Variants in ZMIZ1 observed in about 807,000 individuals in gnomAD.
The protein encoded by ZMIZ1 is zinc finger MIZ domain-containing protein 1.
A neutral mutation model predicts 113.9 loss-of-function variants in ZMIZ1; 17 were observed. The observed-to-expected ratio is 0.15, with a 90% CI of 0.10 to 0.22. The LOEUF (loss-of-function observed/expected upper bound fraction) is 0.22. ZMIZ1 is among the 10% of genes least tolerant of loss of function. The probability of loss-of-function intolerance (pLI) is 1.00; values close to 1 mark genes in which losing one functional copy is unlikely to be tolerated. For missense variants in ZMIZ1, 1,059 were observed against 1,477.8 expected (o/e 0.72, Z 4.65); for synonymous variants, 607 against 603.1 (o/e 1.01, Z -0.09).
At chr10:79,195,850 GC>G (rs1847810144) in intron 4 of ZMIZ1, among the ~76,000 whole-genome samples, 2 of 152,340 alleles carry the variant, frequency 1.3e-5, no homozygotes, top group Admixed American at 1.3e-4. Flanking sequence ...TCTCAGCCCA[GC>G]AGCTTTCCGG....
chr10:79,272,766 C>T (rs894983070), intron 7 of ZMIZ1, among the ~76,000 whole-genome samples: 1 of 152,208 alleles, frequency 6.6e-6, no homozygotes, highest in African/African-American at 2.4e-5. Flanking sequence ...AGTGGGTTCA[C>T]TTTAGACGAG....
At chr10:79,139,287 AGAG>A (rs1019501925) in intron 2 of ZMIZ1, among the ~76,000 whole-genome samples, 2 of 152,224 alleles carry the variant, frequency 1.3e-5, no homozygotes, top group African/African-American at 4.8e-5. Flanking sequence ...CACGGCGCAG[AGAG>A]GAGGCCACGG....
intron 1 of ZMIZ1, among the ~76,000 whole-genome samples, chr10:79,092,412 C>T (rs979425823): frequency 1.3e-5 from 2 of 152,258 alleles, no homozygotes; most frequent in African/African-American, 4.8e-5. Context: ...CCTCCCTCTT[C>T]CAGGCCTTGG....
chr10:79,134,824 T>A (rs1045675119), intron 2 of ZMIZ1, among the ~76,000 whole-genome samples: 1 of 152,154 alleles, frequency 6.6e-6, no homozygotes, highest in Non-Finnish European at 1.5e-5. Flanking sequence ...GTGATATAAA[T>A]AATTAAATAG....
At chr10:79,226,004 G>C (rs1489637235) in intron 7 of ZMIZ1, among the ~76,000 whole-genome samples, 1 of 152,198 alleles carries the variant, frequency 6.6e-6, no homozygotes, top group East Asian at 1.9e-4. Context: ...CTTGTGCCAG[G>C]CCCACCTCAT....
At chr10:79,077,967 G>A (rs967265719) in intron 1 of ZMIZ1, among the ~76,000 whole-genome samples, 3 of 152,172 alleles carry the variant, frequency 2.0e-5, no homozygotes, top group Non-Finnish European at 2.9e-5. Flanking sequence ...CAACCAAAGC[G>A]GCCTGCTGGC....
chr10:79,102,817 G>A (rs942487511), intron 1 of ZMIZ1, among the ~76,000 whole-genome samples: 3 of 152,336 alleles, frequency 2.0e-5, no homozygotes, highest in Admixed American at 6.5e-5. Context: ...GAGTTGAGGG[G>A]GTGATGGTGA....
In ZMIZ1 at chr10:79,173,678, T is replaced by C. The variant is rs1240452916; in HGVS notation, c.-50+11545T>C. The stretch of plus-strand genomic sequence containing the variant: ...GTTATCCTGTAGAGTGTGTGTTATG[T>C]GTTGGGGGAATCTTAATGGTAGCTG... On this transcript the variant is annotated intron_variant, in intron 4 of 24. Coordinates refer to ENST00000334512, the MANE Select transcript of ZMIZ1 (RefSeq NM_020338.4). Among the ~76,000 whole-genome samples the C allele has an allele frequency of 4.6e-5, 7 of 152,296 alleles. No individual in the cohort carries two copies. The East Asian group carries it at 1.3e-3, about 29-fold the overall frequency.
At chr10:79,120,426 G>A (rs557686880) in intron 2 of ZMIZ1, among the ~76,000 whole-genome samples, 1 of 152,346 alleles carries the variant, frequency 6.6e-6, no homozygotes, top group Admixed American at 6.5e-5. Flanking sequence ...CAGTTCAGAG[G>A]TCGATGGCTC....
At chr10:79,310,354 C>T (rs1855045250) in intron 23 of ZMIZ1, among the ~76,000 whole-genome samples, 1 of 152,220 alleles carries the variant, frequency 6.6e-6, no homozygotes, top group African/African-American at 2.4e-5. Context: ...TGCCAAGGCC[C>T]CAGCTGCTCC....
At chr10:79,260,587 A>C (rs1310378239) in intron 7 of ZMIZ1, among the ~76,000 whole-genome samples, 1 of 152,236 alleles carries the variant, frequency 6.6e-6, no homozygotes, top group Non-Finnish European at 1.5e-5. Flanking sequence ...GAATGGCAAC[A>C]GGGAGGCGTC....
intron 6 of ZMIZ1, among the ~76,000 whole-genome samples, chr10:79,209,886 G>A (rs1848468848): frequency 1.3e-5 from 2 of 152,188 alleles, no homozygotes; most frequent in South Asian, 2.1e-4. Flanking sequence ...GGATGCCCTT[G>A]GCCATTAGGG....
In ZMIZ1 at chr10:79,159,846, G is replaced by A. The variant is rs902442993; in HGVS notation, c.-130-2207G>A. ...CCCTTCCCCTCTCTGATCTCAGTTT[G>A]CCCCTTTGCACAAGCCCAACACCAA... On this transcript the variant is annotated intron_variant, in intron 3 of 24. Transcript: ENST00000334512. Among the ~76,000 whole-genome samples, 10 of 152,272 alleles carry A rather than the reference G, an allele frequency of 6.6e-5. No individual in the cohort carries two copies. In the South Asian group the frequency reaches 2.1e-3, roughly 32 times the overall value.
Position 79,310,803 on chromosome 10 carries a change from G to A in ZMIZ1, c.2836-121G>A, listed in dbSNP as rs80220569. 3.0e-3 allele frequency: 3,379 copies of A among 1,124,730 alleles called. 11 individuals carry two copies. Among genetic ancestry groups the A allele is most frequent in the Middle Eastern group, 0.011 (42 of 3,916 alleles). The allele number at this position is 1,124,730 out of a possible 1,614,324, so 69.7% of individuals were successfully genotyped here. A position where few individuals can be genotyped will look rare whatever the true frequency, so the allele number is the denominator to read the frequency against. On this transcript the variant is annotated intron_variant, in intron 23 of 24. Coordinates refer to ENST00000334512, the MANE Select transcript of ZMIZ1 (RefSeq NM_020338.4). ...CAGAAACAACGTTCAGCCTCGTACC[G>A]GGTGGCCACGTTTCGGGGGTTGTGA...
intron 2 of ZMIZ1, among the ~76,000 whole-genome samples, chr10:79,125,664 G>A (rs1844480907): frequency 6.6e-6 from 1 of 152,216 alleles, no homozygotes; most frequent in Admixed American, 6.5e-5. Flanking sequence ...AAGCCTCAGC[G>A]ACCTTGCAGC....
chr10:79,120,987 A>G (rs1844266112), intron 2 of ZMIZ1, among the ~76,000 whole-genome samples: 1 of 152,122 alleles, frequency 6.6e-6, no homozygotes, highest in Non-Finnish European at 1.5e-5. Context: ...CCCTGCCAGG[A>G]GACTGGCACA....
chr10:79,299,155 A>C lies in ZMIZ1; in HGVS notation c.1772A>C (p.His591Pro). The change falls in exon 16 of 25, where the codon CAC becomes CCC. Residue 591 changes from histidine to proline, a missense_variant. His to Pro is a moderately conservative substitution (Grantham distance 77). Coordinates refer to ENST00000334512, the MANE Select transcript of ZMIZ1 (RefSeq NM_020338.4). ...HNLAVSNHVF[H>P]LRPTVHQTLM... ...CTGGCGGTCAGCAACCATGTGTTCCACCTGCGGCCCACGGTCCACCAGACG... is the reference window on the plus strand; with the variant it reads ...CTGGCGGTCAGCAACCATGTGTTCCCCCTGCGGCCCACGGTCCACCAGACG... 2.5e-6 allele frequency: 4 copies of C among 1,609,768 alleles called. No individual in the cohort carries two copies. The highest frequency in any genetic ancestry group is 3.4e-6 in the Non-Finnish European group (4 of 1,179,752).
intron 7 of ZMIZ1, among the ~76,000 whole-genome samples, chr10:79,221,748 G>A (rs562104971): frequency 6.6e-5 from 10 of 152,236 alleles, no homozygotes; most frequent in East Asian, 1.9e-4. Flanking sequence ...CAGCTGACCC[G>A]TGAGCAGCCA....
At chr10:79,151,616 C>T (rs934563643) in intron 3 of ZMIZ1, among the ~76,000 whole-genome samples, 3 of 152,164 alleles carry the variant, frequency 2.0e-5, no homozygotes, top group Non-Finnish European at 4.4e-5. Flanking sequence ...GGTGCCTGTC[C>T]GCAAGGCTGG....
Sources: allele counts gnomAD v4.1 joint callset (sites outside exome capture counted in the v4.1 genomes callset), GRCh38; gene constraint gnomAD v4.1.1; transcripts MANE v1.5; gene names NCBI Gene and HGNC (gene_info 2026-07-23, HGNC 2026-07-21).